Variants in IPO5 observed in about 807,000 individuals in gnomAD.
IPO5 encodes importin-5.
IPO5 carries 18 observed loss-of-function variants against 143.3 expected under a neutral mutation model. The observed-to-expected ratio is 0.13, with a 90% CI of 0.09 to 0.19. The LOEUF (loss-of-function observed/expected upper bound fraction) is 0.19. Ranked by LOEUF, IPO5 falls within the 10% of genes least tolerant of loss-of-function variation. The pLI, the probability that IPO5 is intolerant of heterozygous loss-of-function variation, is 1.00. For synonymous variants in IPO5, 477 were observed against 465.7 expected, an observed-to-expected ratio of 1.02 and a Z score of -0.31; for missense variants, 1,013 against 1,336.9, an observed-to-expected ratio of 0.76 and a Z score of 3.78.
intron 24 of IPO5, 88 bp from the exon 25 acceptor site, chr13:98,016,641 T>A (rs1890138462): frequency 1.4e-6 from 1 of 706,632 alleles, no homozygotes; most frequent in Admixed American, 3.5e-5. Flanking sequence ...ATTTTCTGCA[T>A]TTTTTAAGGT....
intron 6 of IPO5, 50 bp downstream of exon 6, chr13:97,985,663 C>CTTTTT: frequency 1.1e-6 from 1 of 931,332 alleles, no homozygotes; most frequent in Non-Finnish European, 1.6e-6. Context: ...TATATCCTTC[C>CTTTTT]TTTTTTTTTT....
Position 98,002,608 on chromosome 13 carries a change from AT to A in IPO5, c.1233+20del, listed in dbSNP as rs1888900045. 4 of 1,611,494 alleles carry A rather than the reference AT, an allele frequency of 2.5e-6. No individual in the cohort carries two copies. The highest frequency in any genetic ancestry group is 2.5e-6 in the Non-Finnish European group (3 of 1,178,994). On this transcript the variant is annotated intron_variant, in intron 14 of 28. Transcript: ENST00000651721. The stretch of plus-strand genomic sequence containing the variant: ...CAGGATCCTGTAAGTACCAGTAAAT[AT>A]TTGATTCAAAATGATTAGTGTAGCT...
At chr13:97,976,850 A>C in intron 4 of IPO5, 64 bp downstream of exon 4, 1 of 634,954 alleles carries the variant, frequency 1.6e-6, no homozygotes, top group Non-Finnish European at 2.3e-6. Flanking sequence ...TACCGACGCC[A>C]GCCGCACCGG....
intron 18 of IPO5, among the ~76,000 whole-genome samples, chr13:98,008,556 TG>T (rs1389422329): frequency 6.6e-6 from 1 of 152,182 alleles, no homozygotes; most frequent in Non-Finnish European, 1.5e-5. Flanking sequence ...CTCCCTCCCC[TG>T]GCAGAAAATA....
At chr13:97,955,735 G>C (rs1884409907) in intron 2 of IPO5, among the ~76,000 whole-genome samples, 2 of 152,156 alleles carry the variant, frequency 1.3e-5, no homozygotes, top group Admixed American at 6.6e-5. Context: ...CCCAGTTCAG[G>C]ATCACAGCTA....
intron 11 of IPO5, among the ~76,000 whole-genome samples, chr13:97,995,104 G>A (rs1283187860): frequency 1.3e-5 from 2 of 148,450 alleles, no homozygotes; most frequent in East Asian, 3.9e-4. Flanking sequence ...CGGCCTGGGT[G>A]ACGGAGTGAG....
At chr13:97,990,073 A>G in intron 7 of IPO5, 53 bp from the exon 8 acceptor site, 1 of 1,065,284 alleles carries the variant, frequency 9.4e-7, no homozygotes, top group Non-Finnish European at 1.4e-6. Context: ...CTCATACTTT[A>G]CCAAGATATT....
chr13:98,000,313 G>T (rs909471538), intron 12 of IPO5, among the ~76,000 whole-genome samples: 1 of 151,862 alleles, frequency 6.6e-6, no homozygotes, highest in African/African-American at 2.4e-5. Context: ...TAAGAATCAG[G>T]CATGACTTTC....
In IPO5 at chr13:98,023,450, G is replaced by C. The variant is rs1433237143; in HGVS notation, c.*1628G>C. 1 of 152,190 alleles carries C rather than the reference G, an allele frequency of 6.6e-6. No individual in the cohort carries two copies. Among genetic ancestry groups the C allele is most frequent in the Non-Finnish European group, 1.5e-5 (1 of 68,032 alleles). The allele number at this position is 152,190 out of a possible 1,614,324, so 9.4% of individuals were successfully genotyped here. The stretch of plus-strand genomic sequence containing the variant: ...CATGTACTGATGCCAATCAGCTAGA[G>C]CAATGTAGGCTTTTTTTAATTTAAA... On this transcript the variant is annotated 3_prime_UTR_variant, in exon 29 of 29. Transcript: ENST00000651721.
At chr13:98,009,173 G>A (rs1889501330) in intron 18 of IPO5, among the ~76,000 whole-genome samples, 1 of 152,156 alleles carries the variant, frequency 6.6e-6, no homozygotes, top group South Asian at 2.1e-4. Context: ...TCTGAAGAGC[G>A]GGTGGACTTT....
At chr13:97,958,926 C>G (rs937802238) in intron 2 of IPO5, among the ~76,000 whole-genome samples, 1 of 152,018 alleles carries the variant, frequency 6.6e-6, no homozygotes, top group African/African-American at 2.4e-5. Context: ...AACCCCAGCA[C>G]TTTGGGAGGC....
At chr13:97,971,202 C>G (rs769634877) in intron 3 of IPO5, among the ~76,000 whole-genome samples, 99 of 152,246 alleles carry the variant, frequency 6.5e-4, no homozygotes, top group Non-Finnish European at 1.3e-3. Flanking sequence ...AGAAAGGGCG[C>G]AAAAGAAAAC....
chr13:97,979,905 A>G (rs1161253699), intron 4 of IPO5: 4 of 456,592 alleles, frequency 8.8e-6, no homozygotes, highest in Non-Finnish European at 1.3e-5. Context: ...TTAATAGATA[A>G]AAGTCATGTG....
At chr13:98,014,008 T>A in intron 21 of IPO5, 34 bp from the exon 22 acceptor site, 1 of 1,581,016 alleles carries the variant, frequency 6.3e-7, no homozygotes, top group Middle Eastern at 1.7e-4. Context: ...AGCAAAATAA[T>A]AAACAGTCTT....
At chr13:98,010,359 C>A in intron 20 of IPO5, 135 bp downstream of exon 20, 1 of 814,194 alleles carries the variant, frequency 1.2e-6, no homozygotes, top group Non-Finnish European at 1.9e-6. Context: ...GTTTTCTTTC[C>A]ATTTTAAAGA....
chr13:97,999,828 T>A (rs1394996177), intron 12 of IPO5, among the ~76,000 whole-genome samples: 1 of 152,214 alleles, frequency 6.6e-6, no homozygotes, highest in Non-Finnish European at 1.5e-5. Context: ...CTGCACCCTT[T>A]TCAGTTTTCT....
chr13:97,991,697 G>C (rs1256983921), intron 9 of IPO5, among the ~76,000 whole-genome samples: 1 of 152,200 alleles, frequency 6.6e-6, no homozygotes, highest in African/African-American at 2.4e-5. Context: ...TGTTCCACCT[G>C]TATGTATCCA....
intron 4 of IPO5, among the ~76,000 whole-genome samples, chr13:97,980,985 A>G (rs1176381794): frequency 6.6e-6 from 1 of 152,230 alleles, no homozygotes; most frequent in Non-Finnish European, 1.5e-5. Context: ...TACTGGTATA[A>G]GGAGTTGCTT....
intron 11 of IPO5, among the ~76,000 whole-genome samples, chr13:97,994,556 CAT>C (rs1165829181): frequency 1.3e-5 from 2 of 152,212 alleles, no homozygotes; most frequent in African/African-American, 4.8e-5. Context: ...AGTTGAATAA[CAT>C]ATTGAAAGAC....
Sources: gnomAD v4.1 joint callset for allele counts (sites outside exome capture counted in the v4.1 genomes callset) on GRCh38, gnomAD v4.1.1 for gene constraint, MANE v1.5 for transcripts, NCBI Gene and HGNC (gene_info 2026-07-23, HGNC 2026-07-21) for gene names.